Variants in CLUL1 observed in about 807,000 individuals in gnomAD.
CLUL1 encodes the protein clusterin-like protein 1.
CLUL1 carries 43 observed loss-of-function variants against 49.4 expected under a neutral mutation model. The observed-to-expected ratio is 0.87, with a 90% CI of 0.68 to 1.12. CLUL1 has a LOEUF of 1.12. Among genes scored for constraint, CLUL1 ranks in the 50% most tolerant of loss-of-function variants. CLUL1 has a pLI of 0.00. For missense variants in CLUL1, 486 were observed against 544.4 expected, an observed-to-expected ratio of 0.89 and a Z score of 1.07; for synonymous variants, 192 against 184.9, an observed-to-expected ratio of 1.04 and a Z score of -0.31.
Position 618,029 on chromosome 18 carries a change from T to A in CLUL1, c.29T>A (p.Val10Glu). The A allele has an allele frequency of 6.2e-7, 1 of 1,614,180 alleles. No individual in the cohort carries two copies. The change falls in exon 3 of 10, where the codon GTG (valine) becomes GAG (glutamate). Residue 10 changes from valine to glutamate, a missense_variant. Coordinates refer to ENST00000692774, the MANE Select transcript of CLUL1 (RefSeq NM_001393344.1). The surrounding 1 kb of genome is among the most constrained non-coding windows in gnomAD (Gnocchi z 4.2). ...AAGCCGCCACTCTTGGTGTTTATTG[T>A]GTGTCTGCTGTGGTTGAAAGACAGT... MKPPLLVFIVCLLWLKDSHC... is the reference protein window; with the variant it reads MKPPLLVFIECLLWLKDSHC...
chr18:615,398 T>C (rs1417899936), intron 2 of CLUL1, among the ~76,000 whole-genome samples: 1 of 152,192 alleles, frequency 6.6e-6, no homozygotes, highest in African/African-American at 2.4e-5. Flanking sequence ...CATCTTTCTA[T>C]GTGTGTGATT....
At chr18:598,599 A>G (rs922735674) in intron 1 of CLUL1, 8 of 398,574 alleles carry the variant, frequency 2.0e-5, no homozygotes, top group African/African-American at 1.4e-4. Flanking sequence ...AGAGGGTCAG[A>G]TCACCCTGGG....
intron 8 of CLUL1, among the ~76,000 whole-genome samples, chr18:643,696 T>C (rs2074400812): frequency 1.3e-5 from 2 of 152,242 alleles, no homozygotes; most frequent in Admixed American, 6.5e-5. Flanking sequence ...ATTATGGTTT[T>C]CAATTATACA....
chr18:607,249 TC>T, intron 2 of CLUL1, 150 bp downstream of exon 2: 1 of 588,280 alleles, frequency 1.7e-6, no homozygotes, highest in Non-Finnish European at 3.1e-6. Flanking sequence ...TGCCTCAGCC[TC>T]CCTACTAGCT....
intron 7 of CLUL1, among the ~76,000 whole-genome samples, chr18:635,638 C>T (rs536665012): frequency 6.6e-6 from 1 of 152,072 alleles, no homozygotes; most frequent in Non-Finnish European, 1.5e-5. Flanking sequence ...TATATCAACG[C>T]AAAGAACAAA....
Position 619,203 on chromosome 18 carries a change from T to C in CLUL1, c.107-10T>C. ...AGATCTCAAAGAAAAAATTGCCACATGTCTTTTAGGTTTTTCTGAGGTGGG... is the reference window on the plus strand; with the variant it reads ...AGATCTCAAAGAAAAAATTGCCACACGTCTTTTAGGTTTTTCTGAGGTGGG... On this transcript the variant is annotated splice_polypyrimidine_tract_variant and intron_variant, in intron 3 of 9. Transcript: ENST00000692774. The C allele has an allele frequency of 6.2e-7, 1 of 1,608,522 alleles. No individual in the cohort carries two copies. The highest frequency in any genetic ancestry group is 2.2e-5 in the East Asian group (1 of 44,826).
At chr18:604,068 A>G (rs551925005) in intron 1 of CLUL1, among the ~76,000 whole-genome samples, 3 of 152,280 alleles carry the variant, frequency 2.0e-5, no homozygotes, top group African/African-American at 7.2e-5. Context: ...TTTTATAATG[A>G]TGGGGTTTCA....
chr18:645,807 AAAAATATATATATAT>A (rs1414572859), intron 9 of CLUL1, among the ~76,000 whole-genome samples: 19 of 69,164 alleles, frequency 2.7e-4, no homozygotes, highest in African/African-American at 1.1e-3. Context: ...AAAAAAAAAA[AAAAATATATATATAT>A]ATATATATAT....
intron 1 of CLUL1, among the ~76,000 whole-genome samples, chr18:603,005 T>C (rs949933213): frequency 5.3e-5 from 8 of 152,172 alleles, no homozygotes; most frequent in Non-Finnish European, 1.0e-4. Context: ...TGAGGGTCAC[T>C]GGGGTGTCAT....
chr18:601,614 T>C (rs886994942), intron 1 of CLUL1, among the ~76,000 whole-genome samples: 11 of 150,228 alleles, frequency 7.3e-5, no homozygotes, highest in African/African-American at 2.5e-4. Flanking sequence ...ACCACTGCAC[T>C]CCAGCCTGGC....
At chr18:648,606 ATAGC>A (rs1180018638) in intron 9 of CLUL1, among the ~76,000 whole-genome samples, 17 of 152,278 alleles carry the variant, frequency 1.1e-4, no homozygotes, top group African/African-American at 4.1e-4. Flanking sequence ...ATAGCTATAT[ATAGC>A]TAAATTTAAT....
At chr18:600,056 A>G (rs1389569626) in intron 1 of CLUL1, among the ~76,000 whole-genome samples, 2 of 152,126 alleles carry the variant, frequency 1.3e-5, no homozygotes, top group Non-Finnish European at 2.9e-5. Context: ...TGGTTTATCT[A>G]TTCTTCCTAA....
chr18:618,705 TA>T lies in CLUL1; in HGVS notation c.107-506del, dbSNP rs549746571. Among the ~76,000 whole-genome samples, 1 of 152,164 alleles carries T rather than the reference TA, an allele frequency of 6.6e-6. No individual in the cohort carries two copies. Among genetic ancestry groups the T allele is most frequent in the Non-Finnish European group, 1.5e-5 (1 of 68,020 alleles). ...GAATGACAATGAATTTTAAACTTAC[TA>T]AGGGCTTATTAAAGGTGTATAAGAC... On this transcript the variant is annotated intron_variant, in intron 3 of 9. Coordinates refer to ENST00000692774, the MANE Select transcript of CLUL1 (RefSeq NM_001393344.1). The surrounding 1 kb of genome is among the most constrained non-coding windows in gnomAD (Gnocchi z 4.2).
intron 8 of CLUL1, among the ~76,000 whole-genome samples, chr18:641,760 T>C (rs1442492398): frequency 1.3e-5 from 2 of 152,266 alleles, no homozygotes; most frequent in African/African-American, 2.4e-5. Flanking sequence ...CACAAAATAC[T>C]TTCTAATCTA....
Position 633,441 on chromosome 18 carries a change from T to C in CLUL1, c.994+6T>C. 6.2e-7 allele frequency: 1 copy of C among 1,610,316 alleles called. No homozygotes were observed. The highest frequency in any genetic ancestry group is 8.5e-7 in the Non-Finnish European group (1 of 1,177,726). ...TCAGGCTCACCTATCTGAAGGTAAATAATTGCTATTTTGTTTTTTATTCTA... is the reference window on the plus strand; with the variant it reads ...TCAGGCTCACCTATCTGAAGGTAAACAATTGCTATTTTGTTTTTTATTCTA... On this transcript the variant is annotated splice_donor_region_variant and intron_variant, in intron 7 of 9. Coordinates refer to ENST00000692774, the MANE Select transcript of CLUL1 (RefSeq NM_001393344.1).
chr18:617,967 G>C (rs1467988798), intron 2 of CLUL1, 21 bp from the exon 3 acceptor site: 1 of 1,596,352 alleles, frequency 6.3e-7, no homozygotes, highest in Non-Finnish European at 8.6e-7. Flanking sequence ...CATTTGATGC[G>C]GGTTTATTTT....
intron 7 of CLUL1, among the ~76,000 whole-genome samples, chr18:640,488 G>A (rs1169911482): frequency 6.6e-6 from 1 of 151,740 alleles, no homozygotes; most frequent in Non-Finnish European, 1.5e-5. Context: ...CCAAGTTCTG[G>A]ATAATTTTTC....
intron 5 of CLUL1, among the ~76,000 whole-genome samples, chr18:625,971 A>G (rs931743875): frequency 6.6e-6 from 1 of 152,198 alleles, no homozygotes; most frequent in African/African-American, 2.4e-5. Flanking sequence ...GGAAGTCAGG[A>G]GATATGGGGA....
chr18:607,191 G>A (rs2072998000), intron 2 of CLUL1, 92 bp downstream of exon 2: 9 of 679,112 alleles, frequency 1.3e-5, no homozygotes, highest in African/African-American at 5.3e-5. Flanking sequence ...GCAGTGACAC[G>A]ATCTCAGCTC....
Sources: gnomAD v4.1 joint callset for allele counts (sites outside exome capture counted in the v4.1 genomes callset) on GRCh38, gnomAD v4.1.1 for gene constraint, Gnocchi (gnomAD v3.1) non-coding constraint, MANE v1.5 for transcripts, NCBI Gene and HGNC (gene_info 2026-07-23, HGNC 2026-07-21) for gene names.